The following DIP2C variants were observed in gnomAD, a reference collection of about 807,000 sequenced individuals.
The protein encoded by DIP2C is disco-interacting protein 2 homolog C.
DIP2C carries 33 observed loss-of-function variants against 192.4 expected under a neutral mutation model. The observed-to-expected ratio is 0.17, with a 90% CI of 0.13 to 0.23. The LOEUF (loss-of-function observed/expected upper bound fraction) is 0.23. Ranked by LOEUF, DIP2C falls within the 10% of genes least tolerant of loss-of-function variation. DIP2C has a pLI of 1.00. For synonymous variants in DIP2C, 979 were observed against 864.1 expected (o/e 1.13, Z -2.33); for missense variants, 1,537 against 2,110.1 (o/e 0.73, Z 5.32).
intron 6 of DIP2C, 152 bp downstream of exon 6, chr10:418,913 A>G: frequency 2.6e-6 from 3 of 1,165,844 alleles, no homozygotes; most frequent in South Asian, 1.8e-5. Flanking sequence ...TGGCTAGGCC[A>G]CCTTCCATGA....
chr10:450,086 G>A lies in DIP2C; in HGVS notation c.269-9090C>T, dbSNP rs59224626. On this transcript the variant is annotated intron_variant, in intron 3 of 36. Coordinates refer to ENST00000280886, the MANE Select transcript of DIP2C (RefSeq NM_014974.3). ...TGGGAAAACAGTCGCTCTGATTCAC[G>A]GACGTTTCTGAAAGCTTCACGTCCA... 6.0e-3 allele frequency among the ~76,000 whole-genome samples: 906 copies of A among 152,268 alleles called. 11 individuals carry two copies. Among genetic ancestry groups the A allele is most frequent in the African/African-American group, 0.021 (859 of 41,544 alleles).
intron 29 of DIP2C, among the ~76,000 whole-genome samples, chr10:332,285 G>C (rs1957541328): frequency 6.6e-6 from 1 of 152,214 alleles, no homozygotes; most frequent in South Asian, 2.1e-4. Context: ...TTAATGATTT[G>C]CTCTGTCAGA....
intron 1 of DIP2C, among the ~76,000 whole-genome samples, chr10:588,388 C>T (rs1851208565): frequency 6.6e-6 from 1 of 152,224 alleles, no homozygotes; most frequent in African/African-American, 2.4e-5. Flanking sequence ...TTGTCATCAA[C>T]TGTCTTGTTA....
chr10:495,064 G>T (rs1334786491), intron 1 of DIP2C, among the ~76,000 whole-genome samples: 1 of 152,194 alleles, frequency 6.6e-6, no homozygotes, highest in East Asian at 1.9e-4. Context: ...ACTAAATTCT[G>T]CCACTTACAA....
intron 1 of DIP2C, among the ~76,000 whole-genome samples, chr10:672,008 C>A (rs1233315527): frequency 3.9e-5 from 5 of 127,632 alleles, no homozygotes; most frequent in Admixed American, 3.4e-4. Context: ...GACGCACGGA[C>A]GGAGGAAAAG....
intron 3 of DIP2C, among the ~76,000 whole-genome samples, chr10:463,717 G>A (rs1383641836): frequency 2.6e-5 from 4 of 152,140 alleles, no homozygotes; most frequent in Non-Finnish European, 5.9e-5. Context: ...CAAAGCTGGA[G>A]GCATCACACT....
Position 636,839 on chromosome 10 carries a change from C to T in DIP2C, c.85+52655G>A, listed in dbSNP as rs942478457. On this transcript the variant is annotated intron_variant, in intron 1 of 36. Transcript: ENST00000280886. This position sits in a 1 kb window ranked among gnomAD's most constrained non-coding sequence, Gnocchi z 4.6. ...CCCTGTAAACAGGAAGTTTCAGTCT[C>T]GAGGCGCAATCACCTTCCGTCATAC... 2.6e-5 allele frequency among the ~76,000 whole-genome samples: 4 copies of T among 152,202 alleles called. No homozygotes were observed. Among genetic ancestry groups the T allele is most frequent in the Middle Eastern group, 3.2e-3 (1 of 316 alleles).
intron 17 of DIP2C, among the ~76,000 whole-genome samples, chr10:376,681 G>A (rs1222143861): frequency 2.0e-5 from 3 of 151,346 alleles, no homozygotes; most frequent in Admixed American, 6.6e-5. Flanking sequence ...GCCACACAAC[G>A]CACACAGAAC....
intron 6 of DIP2C, among the ~76,000 whole-genome samples, chr10:417,770 G>GTTCCTGT (rs1965798743): frequency 2.6e-5 from 2 of 76,982 alleles, no homozygotes; most frequent in South Asian, 4.9e-4. Context: ...CTGTCCACCT[G>GTTCCTGT]CACCTGTCAG....
intron 3 of DIP2C, among the ~76,000 whole-genome samples, chr10:464,039 AC>A (rs1380412676): frequency 6.6e-6 from 1 of 152,190 alleles, no homozygotes; most frequent in Non-Finnish European, 1.5e-5. Context: ...AACCATAAAA[AC>A]TCTACAAGAA....
At chr10:443,466 G>A (rs1411027311) in intron 3 of DIP2C, among the ~76,000 whole-genome samples, 2 of 152,142 alleles carry the variant, frequency 1.3e-5, no homozygotes, top group African/African-American at 2.4e-5. Flanking sequence ...AGTGAAGTAT[G>A]GTGTTTGGAA....
chr10:602,330 G>A (rs560961042), intron 1 of DIP2C, among the ~76,000 whole-genome samples: 2 of 152,328 alleles, frequency 1.3e-5, no homozygotes, highest in South Asian at 2.1e-4. Context: ...AGCTGAGAAG[G>A]CTGTGGCTCT....
chr10:474,346 C>T (rs1319881345), intron 2 of DIP2C, among the ~76,000 whole-genome samples: 1 of 152,192 alleles, frequency 6.6e-6, no homozygotes, highest in African/African-American at 2.4e-5. Flanking sequence ...AATATTTTAT[C>T]TATTTTCCAC....
At chr10:337,990 C>T (rs1178801376) in intron 29 of DIP2C, among the ~76,000 whole-genome samples, 1 of 148,506 alleles carries the variant, frequency 6.7e-6, no homozygotes, top group East Asian at 2.0e-4. Flanking sequence ...GTTGTAGAGG[C>T]CTAGGAAGCT....
intron 31 of DIP2C, among the ~76,000 whole-genome samples, chr10:312,386 TAGA>T (rs1331967504): frequency 4.6e-5 from 7 of 151,526 alleles, no homozygotes; most frequent in Admixed American, 1.3e-4. Flanking sequence ...GTACAAAGAG[TAGA>T]AGATTTTTCA....
intron 17 of DIP2C, among the ~76,000 whole-genome samples, chr10:373,599 A>G (rs1023891239): frequency 2.0e-5 from 3 of 152,030 alleles, no homozygotes; most frequent in Admixed American, 6.5e-5. Flanking sequence ...GCTCTGTGCT[A>G]AAGGGTGGAA....
At chr10:458,808 C>G (rs1169316762) in intron 3 of DIP2C, among the ~76,000 whole-genome samples, 4 of 152,176 alleles carry the variant, frequency 2.6e-5, no homozygotes, top group Non-Finnish European at 5.9e-5. Context: ...ATGCCCTCTA[C>G]ATTCCTGACT....
chr10:627,369 C>T (rs1023788900), intron 1 of DIP2C, among the ~76,000 whole-genome samples: 1 of 152,220 alleles, frequency 6.6e-6, no homozygotes, highest in African/African-American at 2.4e-5. Flanking sequence ...AGCCGCTCTG[C>T]CGTACAAGAG....
At chr10:376,234 C>T (rs1040965454) in intron 17 of DIP2C, among the ~76,000 whole-genome samples, 1 of 152,162 alleles carries the variant, frequency 6.6e-6, no homozygotes, top group Non-Finnish European at 1.5e-5. Flanking sequence ...GAGATGGGGA[C>T]CCAGGCCGAC....
Sources: allele counts gnomAD v4.1 joint callset (sites outside exome capture counted in the v4.1 genomes callset), GRCh38; gene constraint gnomAD v4.1.1; non-coding constraint Gnocchi (gnomAD v3.1); transcripts MANE v1.5; gene names NCBI Gene and HGNC (gene_info 2026-07-23, HGNC 2026-07-21).